NPAS3: variants seen among roughly 807,000 people sequenced by gnomAD.
NPAS3 encodes the protein neuronal PAS domain-containing protein 3.
A neutral mutation model predicts 73.1 loss-of-function variants in NPAS3; 14 were observed. The ratio of observed to expected loss-of-function variants is 0.19; its 90% confidence interval spans 0.13 to 0.30. The LOEUF (loss-of-function observed/expected upper bound fraction) is 0.30, where lower values mean the gene tolerates loss of function less well. Ranked by LOEUF, NPAS3 falls within the 10% of genes least tolerant of loss-of-function variation. NPAS3 has a pLI of 1.00. For synonymous variants in NPAS3, 620 were observed against 541.5 expected (o/e 1.14, Z -2.01); for missense variants, 1,096 against 1,250.0 (o/e 0.88, Z 1.86).
intron 5 of NPAS3, among the ~76,000 whole-genome samples, chr14:33,570,973 A>C (rs2056185056): frequency 6.6e-6 from 1 of 152,212 alleles, no homozygotes. Context: ...ACTGACTGCA[A>C]CTGTCAGCAG....
At chr14:33,370,070 A>T (rs918036243) in intron 4 of NPAS3, among the ~76,000 whole-genome samples, 1 of 152,156 alleles carries the variant, frequency 6.6e-6, no homozygotes, top group Non-Finnish European at 1.5e-5. Context: ...ATGATCTCCA[A>T]CCTGACAGTT....
At chr14:33,249,928 A>G (rs926330465) in intron 3 of NPAS3, among the ~76,000 whole-genome samples, 2 of 151,774 alleles carry the variant, frequency 1.3e-5, no homozygotes, top group African/African-American at 4.8e-5. Context: ...ACACACACAC[A>G]CACACACACC....
intron 3 of NPAS3, among the ~76,000 whole-genome samples, chr14:33,347,353 GCACTGTGGGTTGTAAATAAGAATAGT>G (rs2044789814): frequency 6.6e-6 from 1 of 152,174 alleles, no homozygotes; most frequent in South Asian, 2.1e-4. Flanking sequence ...ATATCTATTG[GCACTGTGGGTTGTAAATAAGAATAGT>G]CATCACAAAT....
chr14:32,975,310 C>T (rs971816975), intron 1 of NPAS3, among the ~76,000 whole-genome samples: 1 of 152,070 alleles, frequency 6.6e-6, no homozygotes, highest in Admixed American at 6.5e-5. Context: ...CCCTCCCTGC[C>T]TCCGTCACTC....
At chr14:32,953,713 T>C (rs2036573245) in intron 1 of NPAS3, among the ~76,000 whole-genome samples, 1 of 152,068 alleles carries the variant, frequency 6.6e-6, no homozygotes, top group African/African-American at 2.4e-5. Context: ...TATTAGTGTG[T>C]AAGGTAATTA....
At chr14:33,554,052 C>A (rs556503093) in intron 4 of NPAS3, among the ~76,000 whole-genome samples, 6 of 152,238 alleles carry the variant, frequency 3.9e-5, no homozygotes, top group South Asian at 4.1e-4. Context: ...TAACTGCTGC[C>A]AAAACAGAGT....
At chr14:33,223,961 T>C (rs1281967728) in intron 3 of NPAS3, among the ~76,000 whole-genome samples, 1 of 152,154 alleles carries the variant, frequency 6.6e-6, no homozygotes, top group Non-Finnish European at 1.5e-5. Flanking sequence ...AAATATATGA[T>C]AAAGATAAAA....
At chr14:33,780,462 A>T (rs913586356) in intron 9 of NPAS3, among the ~76,000 whole-genome samples, 1 of 152,198 alleles carries the variant, frequency 6.6e-6, no homozygotes, top group Non-Finnish European at 1.5e-5. Context: ...TTTTGAGGAC[A>T]CTGTCATAGA....
rs927452753 is a variant in NPAS3, at chr14:33,800,572, G to A, written c.2265G>A (p.Pro755=). Reference sequence around the variant, plus strand: ...TGTCACCCCCGCTCTCGGCGTCCCCGCGGGACAAGCACCCCGGGAACGGCG... The same window carrying A: ...TGTCACCCCCGCTCTCGGCGTCCCCACGGGACAAGCACCCCGGGAACGGCG... The change falls in exon 12 of 12, where the codon CCG becomes CCA. Residue 755 remains proline, a synonymous_variant. Transcript: ENST00000356141. This position sits in a 1 kb window ranked among gnomAD's most constrained non-coding sequence, Gnocchi z 6.5. 1 of 1,306,990 alleles carries A rather than the reference G, an allele frequency of 7.7e-7. No homozygotes were observed. The highest frequency in any genetic ancestry group is 9.6e-7 in the Non-Finnish European group (1 of 1,036,936). 81.0% of individuals were successfully genotyped at this position (1,306,990 alleles called of 1,614,324 possible).
chr14:32,977,047 A>AAAACACACACAC (rs1555313773), intron 1 of NPAS3, among the ~76,000 whole-genome samples: 9 of 149,308 alleles, frequency 6.0e-5, no homozygotes, highest in Non-Finnish European at 1.0e-4. Flanking sequence ...TGGTCAAGGT[A>AAAACACACACAC]ACACACACAC....
At chr14:33,000,658 C>A (rs1297710978) in intron 1 of NPAS3, among the ~76,000 whole-genome samples, 1 of 151,994 alleles carries the variant, frequency 6.6e-6, no homozygotes, top group Admixed American at 6.6e-5. Context: ...TCTAATGGAA[C>A]AAATATAAAT....
chr14:33,606,178 C>T (rs2057555892), intron 5 of NPAS3, among the ~76,000 whole-genome samples: 1 of 150,954 alleles, frequency 6.6e-6, no homozygotes, highest in African/African-American at 2.4e-5. Flanking sequence ...CCCATTAACT[C>T]GTCATTTAGC....
At chr14:33,016,959 C>T (rs1230946146) in intron 1 of NPAS3, among the ~76,000 whole-genome samples, 2 of 152,090 alleles carry the variant, frequency 1.3e-5, no homozygotes, top group African/African-American at 4.8e-5. Flanking sequence ...TTTCTGTTTT[C>T]TCTGTGAATG....
intron 5 of NPAS3, among the ~76,000 whole-genome samples, chr14:33,621,522 C>A (rs2058073974): frequency 6.6e-6 from 1 of 152,116 alleles, no homozygotes; most frequent in African/African-American, 2.4e-5. Flanking sequence ...ATGGAGGAAT[C>A]TAATTTTATT....
intron 6 of NPAS3, among the ~76,000 whole-genome samples, chr14:33,687,066 G>A (rs775154795): frequency 2.5e-4 from 38 of 152,168 alleles, no homozygotes; most frequent in Non-Finnish European, 4.7e-4. Flanking sequence ...AGGAAGAAAC[G>A]ATGATTTGGA....
chr14:33,682,104 A>AATT (rs2059956013), intron 6 of NPAS3, among the ~76,000 whole-genome samples: 2 of 152,244 alleles, frequency 1.3e-5, no homozygotes, highest in South Asian at 4.1e-4. Flanking sequence ...TAAAATGTAT[A>AATT]ATTTATGATG....
At chr14:33,142,021 C>A (rs762456522) in intron 2 of NPAS3, among the ~76,000 whole-genome samples, 11 of 151,946 alleles carry the variant, frequency 7.2e-5, no homozygotes, top group Non-Finnish European at 1.0e-4. Context: ...TTATTTTTAT[C>A]ACTTATTTCT....
intron 4 of NPAS3, among the ~76,000 whole-genome samples, chr14:33,461,806 A>T (rs2050279762): frequency 6.6e-6 from 1 of 152,242 alleles, no homozygotes. Flanking sequence ...AGAGCCCCTG[A>T]TTCAAATCCC....
intron 4 of NPAS3, among the ~76,000 whole-genome samples, chr14:33,532,385 G>A (rs2054085123): frequency 6.6e-6 from 1 of 152,060 alleles, no homozygotes; most frequent in Non-Finnish European, 1.5e-5. Flanking sequence ...TTCTTTCTGG[G>A]AAAAGGTACA....
Sources: allele counts gnomAD v4.1 joint callset (sites outside exome capture counted in the v4.1 genomes callset), GRCh38; gene constraint gnomAD v4.1.1; non-coding constraint Gnocchi (gnomAD v3.1); transcripts MANE v1.5; gene names NCBI Gene and HGNC (gene_info 2026-07-23, HGNC 2026-07-21).